The following DACH1 variants were observed in gnomAD, a reference collection of about 807,000 sequenced individuals.
The protein encoded by DACH1 is dachshund family transcription factor 1.
A neutral mutation model predicts 54.2 loss-of-function variants in DACH1; 12 were observed. The observed-to-expected ratio is 0.22, with a 90% CI of 0.14 to 0.36. The LOEUF (loss-of-function observed/expected upper bound fraction) is 0.36, where lower values mean the gene tolerates loss of function less well. Ranked by LOEUF, DACH1 falls within the 10% of genes least tolerant of loss-of-function variation. The probability of loss-of-function intolerance (pLI) is 1.00; values close to 1 mark genes in which losing one functional copy is unlikely to be tolerated. For synonymous variants in DACH1, 386 were observed against 366.2 expected, an observed-to-expected ratio of 1.05 and a Z score of -0.62; for missense variants, 805 against 929.8, an observed-to-expected ratio of 0.87 and a Z score of 1.75.
chr13:71,445,067 C>T (rs185980170), intron 10 of DACH1, among the ~76,000 whole-genome samples: 342 of 152,162 alleles, frequency 2.2e-3, no homozygotes, highest in Middle Eastern at 6.8e-3. Context: ...TAAAGTGAGC[C>T]TCCCCCACGA....
At chr13:71,589,550 G>A (rs1434349159) in intron 3 of DACH1, among the ~76,000 whole-genome samples, 1 of 151,814 alleles carries the variant, frequency 6.6e-6, no homozygotes, top group African/African-American at 2.4e-5. Flanking sequence ...TAGACCGTAA[G>A]TCAGTATCTT....
intron 1 of DACH1, among the ~76,000 whole-genome samples, chr13:71,844,876 A>G (rs906770141): frequency 3.9e-5 from 6 of 152,164 alleles, no homozygotes; most frequent in South Asian, 2.1e-4. Flanking sequence ...GTTAAACACT[A>G]CTTGTTCTCA....
chr13:71,564,063 A>C (rs1219893238), intron 4 of DACH1, among the ~76,000 whole-genome samples: 1 of 152,058 alleles, frequency 6.6e-6, no homozygotes, highest in Non-Finnish European at 1.5e-5. Flanking sequence ...AATTTATTTC[A>C]ACAGCTTAAT....
At chr13:71,658,377 C>T (rs144219337) in intron 2 of DACH1, among the ~76,000 whole-genome samples, 1,764 of 152,156 alleles carry the variant, frequency 0.012, 32 homozygotes, top group African/African-American at 0.04. Flanking sequence ...TGGTGAAACC[C>T]CATCTCTACT....
At chr13:71,780,682 T>A (rs1318489556) in intron 1 of DACH1, among the ~76,000 whole-genome samples, 1 of 152,058 alleles carries the variant, frequency 6.6e-6, no homozygotes, top group Non-Finnish European at 1.5e-5. Flanking sequence ...AAAAGAATGT[T>A]CCTCTCTCCC....
intron 2 of DACH1, among the ~76,000 whole-genome samples, chr13:71,668,107 G>A (rs889376398): frequency 6.6e-6 from 1 of 151,838 alleles, no homozygotes; most frequent in African/African-American, 2.4e-5. Flanking sequence ...AAAACGAATA[G>A]GTCCAAAACT....
intron 3 of DACH1, among the ~76,000 whole-genome samples, chr13:71,577,228 C>G (rs764016546): frequency 1.3e-5 from 2 of 152,106 alleles, no homozygotes; most frequent in African/African-American, 2.4e-5. Context: ...TTACCACCAC[C>G]TCCAACCCCT....
chr13:71,702,523 C>T (rs143782241), intron 1 of DACH1, among the ~76,000 whole-genome samples: 1 of 152,026 alleles, frequency 6.6e-6, no homozygotes, highest in Admixed American at 6.6e-5. Context: ...TATTTTTCCT[C>T]TACATTGAAG....
intron 1 of DACH1, among the ~76,000 whole-genome samples, chr13:71,751,554 A>G (rs1884927538): frequency 6.6e-6 from 1 of 152,212 alleles, no homozygotes; most frequent in African/African-American, 2.4e-5. Context: ...TACATCTTAC[A>G]TGTTGATTCA....
intron 6 of DACH1, among the ~76,000 whole-genome samples, chr13:71,503,587 T>C (rs1880086547): frequency 6.6e-6 from 1 of 152,200 alleles, no homozygotes; most frequent in Non-Finnish European, 1.5e-5. Flanking sequence ...ATTTACTAAA[T>C]AATAAACTAC....
chr13:71,753,103 T>C (rs1220550831), intron 1 of DACH1, among the ~76,000 whole-genome samples: 2 of 152,190 alleles, frequency 1.3e-5, no homozygotes, highest in African/African-American at 2.4e-5. Flanking sequence ...GAAGCTATCC[T>C]GGCTAGAAAA....
intron 1 of DACH1, among the ~76,000 whole-genome samples, chr13:71,757,276 A>C (rs1885204904): frequency 6.6e-6 from 1 of 152,140 alleles, no homozygotes; most frequent in Admixed American, 6.6e-5. Context: ...TTAATACCCT[A>C]AATGCCATAA....
intron 1 of DACH1, among the ~76,000 whole-genome samples, chr13:71,775,127 C>CTTTTTTCT (rs1886010569): frequency 1.9e-5 from 1 of 54,028 alleles, no homozygotes; most frequent in Non-Finnish European, 3.2e-5. Flanking sequence ...TCAACACAAG[C>CTTTTTTCT]TTTTTTTTTT....
At chr13:71,713,783 T>A (rs1254258415) in intron 1 of DACH1, among the ~76,000 whole-genome samples, 6 of 152,080 alleles carry the variant, frequency 3.9e-5, no homozygotes, top group Admixed American at 3.9e-4. Flanking sequence ...TTGTTTTAAA[T>A]CCAGTTTTCA....
chr13:71,753,506 C>G (rs374415934), intron 1 of DACH1, among the ~76,000 whole-genome samples: 1 of 152,098 alleles, frequency 6.6e-6, no homozygotes, highest in African/African-American at 2.4e-5. Context: ...TTTTTAAATG[C>G]CTTTTTCATT....
At chr13:71,496,623 C>T (rs1367704320) in intron 6 of DACH1, among the ~76,000 whole-genome samples, 1 of 151,776 alleles carries the variant, frequency 6.6e-6, no homozygotes, top group African/African-American at 2.4e-5. Context: ...GTAGGCTTTT[C>T]AGGTAATGGA....
At position 71,439,905 on chromosome 13, in the gene DACH1, A is replaced by G. The variant is rs1873855771; in HGVS notation, c.*750T>C. On this transcript the variant is annotated 3_prime_UTR_variant, in exon 11 of 11. Transcript: ENST00000613252. Reference sequence around the variant, plus strand: ...AACATTATTATCTTTAATTCTACATACCACTACCAGTTTGGAATGAAAACA... The same window carrying G: ...AACATTATTATCTTTAATTCTACATGCCACTACCAGTTTGGAATGAAAACA... 1 of 152,306 alleles carries G rather than the reference A, an allele frequency of 6.6e-6. No individual in the cohort carries two copies. The highest frequency in any genetic ancestry group is 2.4e-5 in the African/African-American group (1 of 41,382). 9.4% of individuals were successfully genotyped at this position (152,306 alleles called of 1,614,324 possible). A position where few individuals can be genotyped will look rare whatever the true frequency, so the allele number is the denominator to read the frequency against.
chr13:71,487,561 T>C (rs965412336), intron 7 of DACH1, among the ~76,000 whole-genome samples: 29 of 152,308 alleles, frequency 1.9e-4, no homozygotes, highest in African/African-American at 7.0e-4. Context: ...TCATATACAA[T>C]TCAAGAGTCC....
intron 3 of DACH1, among the ~76,000 whole-genome samples, chr13:71,609,486 G>A (rs1875140299): frequency 6.6e-6 from 1 of 151,976 alleles, no homozygotes. Flanking sequence ...TGAAATATTA[G>A]TCATTTGTTT....
Sources: gnomAD v4.1 joint callset for allele counts (sites outside exome capture counted in the v4.1 genomes callset) on GRCh38, gnomAD v4.1.1 for gene constraint, MANE v1.5 for transcripts, NCBI Gene and HGNC (gene_info 2026-07-23, HGNC 2026-07-21) for gene names.